TTC7B: variants seen among roughly 807,000 people sequenced by gnomAD.
TTC7B encodes the protein tetratricopeptide repeat protein 7B.
In TTC7B, 28 loss-of-function variants were observed where a neutral mutation model predicts 106.8. The ratio of observed to expected loss-of-function variants is 0.26; its 90% confidence interval spans 0.19 to 0.36. The LOEUF (loss-of-function observed/expected upper bound fraction) is 0.36, where lower values mean the gene tolerates loss of function less well. Ranked by LOEUF, TTC7B falls within the 10% of genes least tolerant of loss-of-function variation. The pLI is 1.00. For synonymous variants in TTC7B, 405 were observed against 430.6 expected, an observed-to-expected ratio of 0.94 and a Z score of 0.74; for missense variants, 862 against 1,076.4, an observed-to-expected ratio of 0.80 and a Z score of 2.79.
At chr14:90,652,207 A>G (rs962885773) in intron 13 of TTC7B, among the ~76,000 whole-genome samples, 7 of 152,192 alleles carry the variant, frequency 4.6e-5, no homozygotes, top group Non-Finnish European at 7.3e-5. Context: ...CCTGACCTGC[A>G]AGGGACATAC....
intron 6 of TTC7B, among the ~76,000 whole-genome samples, chr14:90,690,088 T>C (rs1030753545): frequency 6.6e-6 from 1 of 152,222 alleles, no homozygotes; most frequent in African/African-American, 2.4e-5. Context: ...GTGCTTAACC[T>C]CAAGCCTGGC....
intron 19 of TTC7B, among the ~76,000 whole-genome samples, chr14:90,555,484 G>T (rs1331181920): frequency 6.6e-6 from 1 of 152,178 alleles, no homozygotes; most frequent in Non-Finnish European, 1.5e-5. Context: ...CACGCTGAGG[G>T]GTGCAGGAGG....
chr14:90,751,118 G>C (rs1017215146), intron 3 of TTC7B, among the ~76,000 whole-genome samples: 1 of 152,158 alleles, frequency 6.6e-6, no homozygotes, highest in Non-Finnish European at 1.5e-5. Flanking sequence ...GTGAAAAGCA[G>C]ACTTGAAAAA....
intron 16 of TTC7B, among the ~76,000 whole-genome samples, chr14:90,612,326 G>T (rs940846961): frequency 6.6e-6 from 1 of 152,210 alleles, no homozygotes; most frequent in African/African-American, 2.4e-5. Context: ...TCTGGCGCAG[G>T]TCTGTCCAGG....
At chr14:90,804,326 C>T (rs1336667596) in intron 1 of TTC7B, among the ~76,000 whole-genome samples, 2 of 149,112 alleles carry the variant, frequency 1.3e-5, no homozygotes, top group African/African-American at 5.0e-5. Flanking sequence ...AGCGAGACTC[C>T]GTCTCAAAAA....
intron 19 of TTC7B, among the ~76,000 whole-genome samples, chr14:90,560,345 C>T (rs998446878): frequency 5.3e-5 from 8 of 152,200 alleles, no homozygotes; most frequent in Non-Finnish European, 7.3e-5. Context: ...GCATCAGCTG[C>T]ACTGCATGCA....
chr14:90,601,173 C>T (rs899386591), intron 17 of TTC7B, among the ~76,000 whole-genome samples: 3 of 152,096 alleles, frequency 2.0e-5, no homozygotes, highest in African/African-American at 7.2e-5. Context: ...AAAAAAGGTT[C>T]TATATTAGAG....
rs571859632 is a variant in TTC7B, at chr14:90,633,142, G to A, written c.1751+10906C>T. 2.2e-4 allele frequency among the ~76,000 whole-genome samples: 34 copies of A among 152,320 alleles called. No individual in the cohort carries two copies. In the South Asian group the frequency reaches 5.6e-3, roughly 25 times the overall value. On this transcript the variant is annotated intron_variant, in intron 15 of 19. Transcript: ENST00000328459. Reference sequence around the variant, plus strand: ...ATCATCTGATGTCTTATAGTTATGGGTCAGAGAAAACACTTCAAACACTTG... The same window carrying A: ...ATCATCTGATGTCTTATAGTTATGGATCAGAGAAAACACTTCAAACACTTG...
intron 1 of TTC7B, among the ~76,000 whole-genome samples, chr14:90,811,482 G>C (rs375970536): frequency 6.6e-6 from 1 of 152,146 alleles, no homozygotes; most frequent in Non-Finnish European, 1.5e-5. Flanking sequence ...AGTCCACCCC[G>C]ACTCCTCTTC....
chr14:90,658,226 C>T (rs1031074342), intron 10 of TTC7B, 78 bp downstream of exon 10: 5 of 1,229,520 alleles, frequency 4.1e-6, no homozygotes, highest in East Asian at 2.3e-5. Context: ...TCTATCATTC[C>T]GTGCAATTCC....
intron 15 of TTC7B, among the ~76,000 whole-genome samples, chr14:90,626,833 G>T (rs770095158): frequency 2.6e-5 from 4 of 152,056 alleles, no homozygotes; most frequent in African/African-American, 9.7e-5. Context: ...AGTGACGGGG[G>T]GTTTAAAGAG....
chr14:90,639,702 C>T (rs1231653467), intron 15 of TTC7B, among the ~76,000 whole-genome samples: 1 of 152,178 alleles, frequency 6.6e-6, no homozygotes, highest in Non-Finnish European at 1.5e-5. Flanking sequence ...TGAACGTGTG[C>T]ACCAGGAGCC....
rs1891304431 is a variant in TTC7B, at chr14:90,577,465, C to T, written c.2310+641G>A. Among the ~76,000 whole-genome samples the T allele has an allele frequency of 6.6e-6, 1 of 152,214 alleles. No individual in the cohort carries two copies. Among genetic ancestry groups the T allele is most frequent in the Non-Finnish European group, 1.5e-5 (1 of 68,036 alleles). On this transcript the variant is annotated intron_variant, in intron 19 of 19. Coordinates refer to ENST00000328459, the MANE Select transcript of TTC7B (RefSeq NM_001010854.2). The surrounding 1 kb of genome is among the most constrained non-coding windows in gnomAD (Gnocchi z 5.0). ...GATCCATGGCAAGGGGTGGGAGCAGCAGGGCAACCCCAGGCTTTTGGCCCA... is the reference window on the plus strand; with the variant it reads ...GATCCATGGCAAGGGGTGGGAGCAGTAGGGCAACCCCAGGCTTTTGGCCCA...
intron 13 of TTC7B, chr14:90,648,466 CT>C: frequency 6.6e-6 from 1 of 152,638 alleles, no homozygotes; most frequent in South Asian, 2.0e-4. Context: ...ATCCTCCCAT[CT>C]TAGCCTCCCA....
intron 9 of TTC7B, among the ~76,000 whole-genome samples, chr14:90,667,140 T>C (rs993739196): frequency 6.6e-6 from 1 of 152,234 alleles, no homozygotes; most frequent in African/African-American, 2.4e-5. Context: ...ACTTAGCCCA[T>C]GCCAGGACTA....
intron 18 of TTC7B, among the ~76,000 whole-genome samples, chr14:90,587,721 T>C (rs920942038): frequency 6.6e-6 from 1 of 152,168 alleles, no homozygotes; most frequent in Non-Finnish European, 1.5e-5. Flanking sequence ...TTCATAACCA[T>C]AGGACTCCAG....
intron 15 of TTC7B, among the ~76,000 whole-genome samples, chr14:90,629,602 G>A (rs138796506): frequency 3.8e-4 from 58 of 152,314 alleles, no homozygotes; most frequent in African/African-American, 1.3e-3. Context: ...GGGAGCCAGA[G>A]GTTTCCAGGA....
intron 14 of TTC7B, among the ~76,000 whole-genome samples, 187 bp from the exon 15 acceptor site, chr14:90,644,395 C>T (rs1446974884): frequency 6.6e-6 from 1 of 152,122 alleles, no homozygotes; most frequent in Non-Finnish European, 1.5e-5. Context: ...GGATATTAAC[C>T]ACAAACATGA....
Position 90,578,362 on chromosome 14 carries a change from C to T in TTC7B, c.2108-54G>A, listed in dbSNP as rs189049216. On this transcript the variant is annotated intron_variant, in intron 18 of 19. Coordinates refer to ENST00000328459, the MANE Select transcript of TTC7B (RefSeq NM_001010854.2). This position sits in a 1 kb window ranked among gnomAD's most constrained non-coding sequence, Gnocchi z 4.7. ...TTCCTGGTGCCCCTCTGAGGCCCTGCGAGCAGCCACCACTCTGATGTTCGT... is the reference window on the plus strand; with the variant it reads ...TTCCTGGTGCCCCTCTGAGGCCCTGTGAGCAGCCACCACTCTGATGTTCGT... 18 of 1,553,976 alleles carry T rather than the reference C, an allele frequency of 1.2e-5. No homozygotes were observed. In the African/African-American group the frequency reaches 1.5e-4, roughly 13 times the overall value.
Sources: gnomAD v4.1 joint callset for allele counts (sites outside exome capture counted in the v4.1 genomes callset) on GRCh38, gnomAD v4.1.1 for gene constraint, Gnocchi (gnomAD v3.1) non-coding constraint, MANE v1.5 for transcripts, NCBI Gene and HGNC (gene_info 2026-07-23, HGNC 2026-07-21) for gene names.